Variants in CACNA1G observed in about 807,000 individuals in gnomAD.
CACNA1G encodes calcium voltage-gated channel subunit alpha1 G, also known as voltage-dependent T-type calcium channel subunit alpha-1G.
A neutral mutation model predicts 219.4 loss-of-function variants in CACNA1G; 67 were observed. The ratio of observed to expected loss-of-function variants is 0.31; its 90% CI spans 0.25 to 0.37. The LOEUF is 0.37. Ranked by LOEUF, CACNA1G falls within the 10% of genes least tolerant of loss-of-function variation. The pLI, the probability that CACNA1G is intolerant of heterozygous loss-of-function variation, is 1.00. For synonymous variants in CACNA1G, 1,296 were observed against 1,345.3 expected (o/e 0.96, Z 0.80); for missense variants, 2,380 against 3,231.4 (o/e 0.74, Z 6.39).
intron 19 of CACNA1G, among the ~76,000 whole-genome samples, chr17:50,601,441 G>A (rs1020170214): frequency 6.6e-6 from 1 of 152,214 alleles, no homozygotes; most frequent in African/African-American, 2.4e-5. Flanking sequence ...CCAGAGCCTT[G>A]TGGGGCACAC....
chr17:50,606,454 T>C, intron 23 of CACNA1G: 1 of 587,444 alleles, frequency 1.7e-6, no homozygotes, highest in East Asian at 2.8e-5. Context: ...CATAATAGAA[T>C]CTCCTCGGAG....
In CACNA1G at chr17:50,603,895, C is replaced by G; in HGVS notation, c.4170-260C>G. ...CCTCACTTGAGTTGAATCCTCCCCA[C>G]TCCCAACCCAAACAGGTCGTACATT... On this transcript the variant is annotated intron_variant, in intron 21 of 37. Transcript: ENST00000359106. This position sits in a 1 kb window ranked among gnomAD's most constrained non-coding sequence, Gnocchi z 6.4. Among the ~76,000 whole-genome samples, 1 of 152,212 alleles carries G rather than the reference C, an allele frequency of 6.6e-6. No individual in the cohort carries two copies. The highest frequency in any genetic ancestry group is 2.4e-5 in the African/African-American group (1 of 41,448).
intron 21 of CACNA1G, 30 bp from the exon 22 acceptor site, chr17:50,604,125 C>T: frequency 6.2e-7 from 1 of 1,606,212 alleles, no homozygotes; most frequent in Non-Finnish European, 8.5e-7. Context: ...CTGGGGGAAG[C>T]CTTATCACCT....
rs773043628 is a variant in CACNA1G, at chr17:50,569,323, G to T, written c.488+25G>T. 2.3e-5 allele frequency: 37 copies of T among 1,612,524 alleles called. No individual in the cohort carries two copies. In the East Asian group the frequency reaches 8.2e-4, roughly 36 times the overall value. On this transcript the variant is annotated intron_variant, in intron 3 of 37. Coordinates refer to ENST00000359106, the MANE Select transcript of CACNA1G (RefSeq NM_018896.5). ...GGTGAGGACCTGGGCTGGGGTGGGA[G>T]AGCAATGGATCAGATCGGTCCCTTC...
chr17:50,585,361 C>T lies in CACNA1G; in HGVS notation c.2302-5110C>T, dbSNP rs941707973. On this transcript the variant is annotated intron_variant, in intron 9 of 37. Transcript: ENST00000359106. ...GGGCCTTGGGTCAGCTGTCTTGAAG[C>T]TGAGTGGGCACCGTGAGTGTGCTGT... Among the ~76,000 whole-genome samples, 7 of 152,298 alleles carry T rather than the reference C, an allele frequency of 4.6e-5. No homozygotes were observed. The Middle Eastern group carries it at 0.01, about 222-fold the overall frequency.
intron 5 of CACNA1G, 93 bp downstream of exon 5, chr17:50,572,130 T>A: frequency 1.5e-6 from 2 of 1,364,508 alleles, no homozygotes; most frequent in Non-Finnish European, 2.0e-6. Context: ...TACTGACATA[T>A]CTGTTCTAAC....
rs2146211275 is a variant in CACNA1G, at chr17:50,615,403, G to A, written c.4802G>A (p.Arg1601Gln). The A allele has an allele frequency of 1.9e-6, 3 of 1,612,300 alleles. No individual in the cohort carries two copies. The highest frequency in any genetic ancestry group is 2.5e-6 in the Non-Finnish European group (3 of 1,178,698). The change falls in exon 27 of 38, where the codon CGG (arginine) becomes CAG (glutamine). Residue 1601 changes from arginine to glutamine, a missense_variant. By Grantham distance (43) the Arg-to-Gln change is conservative (BLOSUM62 1). Transcript: ENST00000359106. ...TACTACTCCGACTACTCCCGCTTCC[G>A]GCTCCTCGTCCACCACTTGTGCACC... is the stretch of plus-strand genomic sequence containing the variant. ...KPYYSDYSRF[R>Q]LLVHHLCTSH...
intron 9 of CACNA1G, 91 bp from the exon 10 acceptor site, chr17:50,590,380 C>A: frequency 7.1e-7 from 1 of 1,407,250 alleles, no homozygotes; most frequent in Non-Finnish European, 1.0e-6. Context: ...GCTATTCCTG[C>A]TCCTCCTCTC....
intron 13 of CACNA1G, among the ~76,000 whole-genome samples, chr17:50,592,873 C>T (rs756101534): frequency 5.3e-5 from 8 of 152,262 alleles, no homozygotes; most frequent in Non-Finnish European, 1.0e-4. Context: ...CTGGGTGACC[C>T]GGATGGAAAC....
chr17:50,604,819 G>A lies in CACNA1G; in HGVS notation c.4296+538G>A, dbSNP rs565192393. Among the ~76,000 whole-genome samples, 5 of 152,334 alleles carry A rather than the reference G, an allele frequency of 3.3e-5. No individual in the cohort carries two copies. In the South Asian group the frequency reaches 6.2e-4, roughly 19 times the overall value. ...GAGCTGCCTGCAGGATTCAGCAGAC[G>A]CCTCAGGGGGCCGGGGAGCCCCTCC... On this transcript the variant is annotated intron_variant, in intron 22 of 37. Coordinates refer to ENST00000359106, the MANE Select transcript of CACNA1G (RefSeq NM_018896.5).
intron 1 of CACNA1G, among the ~76,000 whole-genome samples, chr17:50,564,447 T>A (rs1189092888): frequency 8.2e-6 from 1 of 122,630 alleles, no homozygotes; most frequent in Non-Finnish European, 1.7e-5. Context: ...GCATTTGGGA[T>A]GCCGAGAGAG....
intron 9 of CACNA1G, among the ~76,000 whole-genome samples, chr17:50,580,240 G>A (rs1056922749): frequency 1.9e-4 from 29 of 152,182 alleles, no homozygotes; most frequent in Non-Finnish European, 3.8e-4. Context: ...AGGGAGAGGT[G>A]CTCCACTCTG....
intron 1 of CACNA1G, 112 bp from the exon 2 acceptor site, chr17:50,568,758 C>T: frequency 1.2e-6 from 1 of 810,012 alleles, no homozygotes; most frequent in South Asian, 1.4e-5. Flanking sequence ...GGCACCACAC[C>T]TGCTTAGCCT....
At position 50,622,488 on chromosome 17, in the gene CACNA1G, C is replaced by T. The variant is rs117645963; in HGVS notation, c.6060+694C>T. On this transcript the variant is annotated intron_variant, in intron 35 of 37. Coordinates refer to ENST00000359106, the MANE Select transcript of CACNA1G (RefSeq NM_018896.5). ...CCAGCTGAGGCAGGGACTGGACCAC[C>T]GGCTGGGGTGTCCCTAGGGGTCTTG... is the stretch of plus-strand genomic sequence containing the variant. Among the ~76,000 whole-genome samples the T allele has an allele frequency of 1.1e-3, 162 of 152,178 alleles. 2 individuals are homozygous for T. In the East Asian group the frequency reaches 0.029, roughly 27 times the overall value.
chr17:50,577,102 C>T (rs916029814), intron 8 of CACNA1G, among the ~76,000 whole-genome samples: 1 of 152,218 alleles, frequency 6.6e-6, no homozygotes, highest in Non-Finnish European at 1.5e-5. Flanking sequence ...CCAGAAGGTG[C>T]TATCACAGAA....
At chr17:50,595,729 C>A (rs1460817187) in intron 14 of CACNA1G, among the ~76,000 whole-genome samples, 2 of 152,272 alleles carry the variant, frequency 1.3e-5, no homozygotes, top group East Asian at 3.8e-4. Context: ...CGGGGCGAAG[C>A]CAGCATTCCT....
At chr17:50,620,922 T>C (rs1341878831) in intron 34 of CACNA1G, among the ~76,000 whole-genome samples, 1 of 152,128 alleles carries the variant, frequency 6.6e-6, no homozygotes, top group East Asian at 1.9e-4. Context: ...GGAGGGACGG[T>C]CCAACTGTCC....
At chr17:50,584,793 G>A (rs1440313371) in intron 9 of CACNA1G, among the ~76,000 whole-genome samples, 3 of 152,088 alleles carry the variant, frequency 2.0e-5, no homozygotes, top group Admixed American at 1.3e-4. Flanking sequence ...GTAGGGCTGG[G>A]GGCTGCAGAG....
chr17:50,596,512 C>A lies in CACNA1G; in HGVS notation c.2980-50C>A. On this transcript the variant is annotated intron_variant, in intron 14 of 37. Transcript: ENST00000359106. The surrounding 1 kb of genome is among the most constrained non-coding windows in gnomAD (Gnocchi z 4.8). The stretch of plus-strand genomic sequence containing the variant: ...GAGAGGGAGGCCCGGTCCATCCCAA[C>A]CACCCAAGCCTGGCCGGATCCCTAA... The A allele has an allele frequency of 6.6e-7, 1 of 1,520,652 alleles. No individual in the cohort carries two copies. Among genetic ancestry groups the A allele is most frequent in the Non-Finnish European group, 9.1e-7 (1 of 1,095,918 alleles). 94.2% of individuals were successfully genotyped at this position (1,520,652 alleles called of 1,614,324 possible). A position where few individuals can be genotyped will look rare whatever the true frequency, so the allele number is the denominator to read the frequency against.
Sources: allele counts gnomAD v4.1 joint callset (sites outside exome capture counted in the v4.1 genomes callset), GRCh38; gene constraint gnomAD v4.1.1; non-coding constraint Gnocchi (gnomAD v3.1); transcripts MANE v1.5; gene names NCBI Gene and HGNC (gene_info 2026-07-23, HGNC 2026-07-21).